The following CTNNA3 variants were observed in gnomAD, a reference collection of about 807,000 sequenced individuals.
CTNNA3 encodes the protein catenin alpha-3.
CTNNA3 carries 76 observed loss-of-function variants against 95.7 expected under a neutral mutation model. The ratio of observed to expected loss-of-function variants is 0.79; its 90% CI spans 0.66 to 0.96. CTNNA3 has a LOEUF of 0.96. Among genes scored for constraint, CTNNA3 ranks in the 40% least tolerant of loss-of-function variants. The pLI is 0.00. For missense variants in CTNNA3, 1,191 were observed against 1,089.8 expected (o/e 1.09, Z -1.31); for synonymous variants, 431 against 374.4 (o/e 1.15, Z -1.74).
intron 5 of CTNNA3, among the ~76,000 whole-genome samples, chr10:67,364,125 C>A (rs890883860): frequency 5.3e-5 from 8 of 152,170 alleles, no homozygotes. Flanking sequence ...AGCTTATCCA[C>A]CATGATCAAG....
At chr10:67,434,479 G>A (rs7907340) in intron 5 of CTNNA3, among the ~76,000 whole-genome samples, 18 of 151,858 alleles carry the variant, frequency 1.2e-4, no homozygotes, top group African/African-American at 3.9e-4. Context: ...TAACAGTGTC[G>A]AGATTAAATC....
chr10:67,216,372 C>A (rs889670896), intron 6 of CTNNA3, among the ~76,000 whole-genome samples: 1 of 152,098 alleles, frequency 6.6e-6, no homozygotes, highest in Admixed American at 6.6e-5. Context: ...TAGTTTCCAT[C>A]ACTATAAATT....
intron 12 of CTNNA3, among the ~76,000 whole-genome samples, chr10:66,284,398 C>A (rs529510375): frequency 6.6e-6 from 1 of 151,796 alleles, no homozygotes; most frequent in African/African-American, 2.4e-5. Context: ...GAATATAGAG[C>A]CAGCTCTCTG....
chr10:67,403,649 A>G (rs1381603299), intron 5 of CTNNA3, among the ~76,000 whole-genome samples: 1 of 152,176 alleles, frequency 6.6e-6, no homozygotes, highest in Non-Finnish European at 1.5e-5. Flanking sequence ...GGCCTTGGAA[A>G]GTGCAAAACT....
rs184651597 is a variant in CTNNA3, at chr10:67,478,150, T to A, written c.579+43692A>T. Among the ~76,000 whole-genome samples, 558 of 152,314 alleles carry A rather than the reference T, an allele frequency of 3.7e-3. 8 individuals carry two copies. Among genetic ancestry groups the A allele is most frequent in the African/African-American group, 0.013 (530 of 41,576 alleles). On this transcript the variant is annotated intron_variant, in intron 5 of 17. Coordinates refer to ENST00000433211, the MANE Select transcript of CTNNA3 (RefSeq NM_013266.4). Reference sequence around the variant, plus strand: ...GACAAAAATAAGAAAAAACTATTTTTAAAAATGAACAAAGTCATTGAGAAT... The same window carrying A: ...GACAAAAATAAGAAAAAACTATTTTAAAAAATGAACAAAGTCATTGAGAAT...
At chr10:67,333,179 A>G (rs1300869825) in intron 5 of CTNNA3, among the ~76,000 whole-genome samples, 1 of 152,208 alleles carries the variant, frequency 6.6e-6, no homozygotes, top group African/African-American at 2.4e-5. Context: ...GAAACAGGAA[A>G]CAATCAGTTA....
intron 5 of CTNNA3, among the ~76,000 whole-genome samples, chr10:67,342,816 A>G (rs1360352293): frequency 1.3e-5 from 2 of 152,220 alleles, no homozygotes; most frequent in African/African-American, 4.8e-5. Context: ...TTTTTATGCC[A>G]GTACCATGCA....
At chr10:66,578,673 G>T (rs1016273028) in intron 10 of CTNNA3, among the ~76,000 whole-genome samples, 2 of 151,876 alleles carry the variant, frequency 1.3e-5, no homozygotes, top group African/African-American at 4.8e-5. Context: ...AACCCTACTT[G>T]ATCACCGTAA....
chr10:66,965,008 A>G (rs1195844302), intron 7 of CTNNA3, among the ~76,000 whole-genome samples: 2 of 152,244 alleles, frequency 1.3e-5, no homozygotes, highest in African/African-American at 4.8e-5. Context: ...TAAGATTGCC[A>G]CGTTCCACTC....
intron 12 of CTNNA3, among the ~76,000 whole-genome samples, chr10:66,322,493 AT>A (rs1371450417): frequency 6.6e-6 from 1 of 152,072 alleles, no homozygotes; most frequent in East Asian, 1.9e-4. Flanking sequence ...GGCAGCTGGA[AT>A]TTGTAGGGCA....
intron 11 of CTNNA3, among the ~76,000 whole-genome samples, chr10:66,396,366 G>A (rs1328081016): frequency 6.6e-6 from 1 of 151,686 alleles, no homozygotes; most frequent in Admixed American, 6.6e-5. Flanking sequence ...AATGTAATCA[G>A]GCAAAATAAT....
intron 9 of CTNNA3, among the ~76,000 whole-genome samples, chr10:66,677,889 C>A (rs1362199551): frequency 2.8e-5 from 4 of 142,056 alleles, no homozygotes; most frequent in Non-Finnish European, 6.1e-5. Flanking sequence ...CTGACCAGAA[C>A]TGGACCATAG....
intron 7 of CTNNA3, among the ~76,000 whole-genome samples, chr10:66,940,328 T>C (rs1847933055): frequency 6.6e-6 from 1 of 151,942 alleles, no homozygotes; most frequent in African/African-American, 2.4e-5. Context: ...GCCTCATCTC[T>C]ACAAAAAATG....
intron 7 of CTNNA3, among the ~76,000 whole-genome samples, chr10:67,133,388 C>T (rs1031446978): frequency 9.2e-5 from 13 of 142,040 alleles, no homozygotes; most frequent in Non-Finnish European, 1.5e-4. Context: ...TACACACACA[C>T]ACACACACAC....
intron 6 of CTNNA3, among the ~76,000 whole-genome samples, chr10:67,215,113 T>C (rs1864299331): frequency 6.6e-6 from 1 of 152,070 alleles, no homozygotes; most frequent in South Asian, 2.1e-4. Context: ...TCTGTGTCTT[T>C]CTGTGGGAAA....
intron 15 of CTNNA3, among the ~76,000 whole-genome samples, chr10:66,064,107 T>C (rs1328483222): frequency 6.6e-6 from 1 of 152,108 alleles, no homozygotes; most frequent in Non-Finnish European, 1.5e-5. Flanking sequence ...CTTACAATCA[T>C]GTCAGTAGGC....
intron 5 of CTNNA3, among the ~76,000 whole-genome samples, chr10:67,469,735 G>A (rs989682064): frequency 2.6e-5 from 4 of 151,930 alleles, no homozygotes; most frequent in Non-Finnish European, 5.9e-5. Context: ...TTCTGCACAT[G>A]TACCCCAGAA....
chr10:66,131,236 T>C (rs2083088237), intron 13 of CTNNA3, among the ~76,000 whole-genome samples: 1 of 152,106 alleles, frequency 6.6e-6, no homozygotes, highest in South Asian at 2.1e-4. Context: ...AGCATCATCC[T>C]GAACCAAAAC....
chr10:66,406,912 T>C (rs1589207135), intron 11 of CTNNA3, among the ~76,000 whole-genome samples: 2 of 152,322 alleles, frequency 1.3e-5, no homozygotes, highest in South Asian at 4.1e-4. Flanking sequence ...GCAGATCATT[T>C]CGATATGTTT....
Sources: allele counts gnomAD v4.1 joint callset (sites outside exome capture counted in the v4.1 genomes callset), GRCh38; gene constraint gnomAD v4.1.1; transcripts MANE v1.5; gene names NCBI Gene and HGNC (gene_info 2026-07-23, HGNC 2026-07-21).